The following MAGI1 variants were observed in gnomAD, a reference collection of about 807,000 sequenced individuals.
MAGI1 encodes membrane associated guanylate kinase, WW and PDZ domain containing 1, also known as membrane-associated guanylate kinase, WW and PDZ domain-containing protein 1.
Under a neutral mutation model 139.9 loss-of-function variants are expected in MAGI1, and 58 were observed. The ratio of observed to expected loss-of-function variants is 0.41; its 90% CI spans 0.34 to 0.52. The LOEUF (loss-of-function observed/expected upper bound fraction) is 0.52, where lower values mean the gene tolerates loss of function less well. Among genes scored for constraint, MAGI1 ranks in the 20% least tolerant of loss-of-function variants. The pLI, the probability that MAGI1 is intolerant of heterozygous loss-of-function variation, is 0.12. For missense variants in MAGI1, 1,874 were observed against 1,901.6 expected (o/e 0.99, Z 0.27); for synonymous variants, 812 against 737.9 (o/e 1.10, Z -1.63).
chr3:65,407,307 T>C (rs1945418603), intron 12 of MAGI1, among the ~76,000 whole-genome samples: 1 of 151,548 alleles, frequency 6.6e-6, no homozygotes, highest in Non-Finnish European at 1.5e-5. Flanking sequence ...ATTAGCTGGG[T>C]GTGGTGGCAG....
chr3:65,711,511 C>T (rs944168183), intron 1 of MAGI1, among the ~76,000 whole-genome samples: 1 of 152,134 alleles, frequency 6.6e-6, no homozygotes. Context: ...CAATTCCCTG[C>T]TATGAGCTTA....
At chr3:65,412,264 C>A (rs1324022037) in intron 12 of MAGI1, among the ~76,000 whole-genome samples, 1 of 152,152 alleles carries the variant, frequency 6.6e-6, no homozygotes, top group African/African-American at 2.4e-5. Context: ...GAACTCTATG[C>A]CTGCAGATCT....
intron 1 of MAGI1, among the ~76,000 whole-genome samples, chr3:65,950,638 A>G (rs2106943373): frequency 6.6e-6 from 1 of 152,328 alleles, no homozygotes; most frequent in Non-Finnish European, 1.5e-5. Flanking sequence ...TCAAAGGAAA[A>G]AAAATTATCA....
chr3:65,838,856 G>C (rs1329308005), intron 1 of MAGI1, among the ~76,000 whole-genome samples: 1 of 152,160 alleles, frequency 6.6e-6, no homozygotes, highest in Non-Finnish European at 1.5e-5. Context: ...ATGTATGAGA[G>C]ACTCAGCTTC....
chr3:65,926,926 C>T (rs919365738), intron 1 of MAGI1, among the ~76,000 whole-genome samples: 2 of 152,102 alleles, frequency 1.3e-5, no homozygotes, highest in South Asian at 2.1e-4. Flanking sequence ...ACCCAGGAGG[C>T]GGAGTTTGCA....
At chr3:65,814,641 C>A (rs1358561264) in intron 1 of MAGI1, among the ~76,000 whole-genome samples, 1 of 152,206 alleles carries the variant, frequency 6.6e-6, no homozygotes, top group Non-Finnish European at 1.5e-5. Context: ...CACCTCAGCA[C>A]TAACAACCCC....
At position 65,412,840 on chromosome 3, in the gene MAGI1, G is replaced by T. The variant is rs76551097; in HGVS notation, c.2168-11370C>A. 1.2e-4 allele frequency among the ~76,000 whole-genome samples: 19 copies of T among 152,236 alleles called. No homozygotes were observed. In the East Asian group the frequency reaches 3.7e-3, roughly 30 times the overall value. ...GTTCCGCTGTGCCACCTGGTGTCCT[G>T]ACTTCCCATCACCACAGATGAGCTT... On this transcript the variant is annotated intron_variant, in intron 12 of 22. Coordinates refer to ENST00000402939, the MANE Select transcript of MAGI1 (RefSeq NM_001033057.2).
At chr3:65,505,640 T>TAAC (rs916338018) in intron 2 of MAGI1, among the ~76,000 whole-genome samples, 11 of 129,156 alleles carry the variant, frequency 8.5e-5, no homozygotes. Context: ...AAGTCTAAAA[T>TAAC]AATAATAATA....
At chr3:65,367,815 G>A (rs1298090981) in intron 18 of MAGI1, among the ~76,000 whole-genome samples, 1 of 152,076 alleles carries the variant, frequency 6.6e-6, no homozygotes, top group East Asian at 1.9e-4. Context: ...TATCTAATTG[G>A]AACATTCCTT....
At chr3:65,748,239 T>C (rs2035860959) in intron 1 of MAGI1, among the ~76,000 whole-genome samples, 1 of 152,166 alleles carries the variant, frequency 6.6e-6, no homozygotes, top group Non-Finnish European at 1.5e-5. Flanking sequence ...TTAATATCTA[T>C]TAGGTAACAA....
At chr3:65,996,698 G>T (rs778762964) in intron 1 of MAGI1, among the ~76,000 whole-genome samples, 1 of 152,182 alleles carries the variant, frequency 6.6e-6, no homozygotes, top group Non-Finnish European at 1.5e-5. Flanking sequence ...TTCTGAGCCC[G>T]GAGCTCTCTG....
At chr3:65,562,764 C>A (rs1229437182) in intron 2 of MAGI1, among the ~76,000 whole-genome samples, 1 of 152,178 alleles carries the variant, frequency 6.6e-6, no homozygotes, top group Admixed American at 6.5e-5. Context: ...TGTTCCAACA[C>A]AAAAATGAGA....
chr3:65,397,249 C>T (rs561226095), intron 13 of MAGI1, among the ~76,000 whole-genome samples: 4 of 152,282 alleles, frequency 2.6e-5, no homozygotes, highest in South Asian at 2.1e-4. Flanking sequence ...GTACATAAAA[C>T]GGAATGATCT....
At chr3:65,646,142 ATTATG>A (rs2085249150) in intron 1 of MAGI1, among the ~76,000 whole-genome samples, 1 of 152,134 alleles carries the variant, frequency 6.6e-6, no homozygotes, top group African/African-American at 2.4e-5. Flanking sequence ...ACCCAACTAT[ATTATG>A]TTAACAAGAA....
At position 65,356,508 on chromosome 3, in the gene MAGI1, C is replaced by T. The variant is rs748927229; in HGVS notation, c.4259G>A (p.Arg1420Lys). 6.2e-7 allele frequency: 1 copy of T among 1,610,544 alleles called. No individual in the cohort carries two copies. The highest frequency in any genetic ancestry group is 1.3e-5 in the African/African-American group (1 of 74,604). The change falls in exon 23 of 23, where the codon AGA becomes AAA. Residue 1420 changes from arginine to lysine, a missense_variant. This residue lies in a region of MAGI1 where 653 missense variants were observed against 644.5 expected (regional missense o/e 1.01). Coordinates refer to ENST00000402939, the MANE Select transcript of MAGI1 (RefSeq NM_001033057.2). ...TTCTCGGTGGCTGGCTCTGTCCTCT[C>T]TGTTCCTTTTGTCCAGGGACCGCTC... is the stretch of plus-strand genomic sequence containing the variant. Reference protein sequence around the residue: ...RRERSLDKRNREDRASHRERE... With the variant: ...RRERSLDKRNKEDRASHRERE...
intron 1 of MAGI1, among the ~76,000 whole-genome samples, chr3:65,657,228 A>G (rs1242224176): frequency 6.6e-6 from 1 of 151,974 alleles, no homozygotes; most frequent in East Asian, 1.9e-4. Context: ...ACCCAAGGAG[A>G]TACAATAAGT....
intron 1 of MAGI1, among the ~76,000 whole-genome samples, chr3:65,791,852 C>G (rs2039796534): frequency 6.6e-6 from 1 of 151,994 alleles, no homozygotes; most frequent in African/African-American, 2.4e-5. Flanking sequence ...TTCAAAAGGA[C>G]AGTCTGAGCT....
At chr3:66,032,932 A>AAACAAC (rs1170483945) in intron 1 of MAGI1, among the ~76,000 whole-genome samples, 21 of 143,746 alleles carry the variant, frequency 1.5e-4, no homozygotes, top group African/African-American at 5.1e-4. Flanking sequence ...AAAAAAAAAA[A>AAACAAC]AACAACAACA....
intron 1 of MAGI1, among the ~76,000 whole-genome samples, chr3:65,743,213 G>C (rs1304250993): frequency 6.6e-6 from 1 of 152,074 alleles, no homozygotes. Flanking sequence ...ATATTCTAAT[G>C]TTAAAAGTTC....
Sources: allele counts gnomAD v4.1 joint callset (sites outside exome capture counted in the v4.1 genomes callset), GRCh38; gene constraint gnomAD v4.1.1; regional missense constraint gnomAD v4.1.1; transcripts MANE v1.5; gene names NCBI Gene and HGNC (gene_info 2026-07-23, HGNC 2026-07-21).